NCOA1: variants seen among roughly 807,000 people sequenced by gnomAD.
NCOA1 encodes the protein nuclear receptor coactivator 1, also known as Hin-2 protein.
NCOA1 carries 35 observed loss-of-function variants against 150.9 expected under a neutral mutation model. The ratio of observed to expected loss-of-function variants is 0.23; its 90% CI spans 0.18 to 0.31. The LOEUF (loss-of-function observed/expected upper bound fraction) is 0.31. Among genes scored for constraint, NCOA1 ranks in the 10% least tolerant of loss-of-function variants. The probability of loss-of-function intolerance (pLI) is 1.00; values close to 1 mark genes in which losing one functional copy is unlikely to be tolerated. For synonymous variants in NCOA1, 590 were observed against 630.0 expected, an observed-to-expected ratio of 0.94 and a Z score of 0.95; for missense variants, 1,491 against 1,749.3, an observed-to-expected ratio of 0.85 and a Z score of 2.63.
At position 24,763,950 on chromosome 2, in the gene NCOA1, A is replaced by G. The variant is rs868867047; in HGVS notation, c.4155+1174A>G. On this transcript the variant is annotated intron_variant, in intron 22 of 22. Coordinates refer to ENST00000348332, the MANE Select transcript of NCOA1 (RefSeq NM_003743.5). ...CTTTAGTCTCTTAATGAACATTTTTAACCCAGGGATTATGCCACAGATGGC... is the reference window on the plus strand; with the variant it reads ...CTTTAGTCTCTTAATGAACATTTTTGACCCAGGGATTATGCCACAGATGGC... Among the ~76,000 whole-genome samples the G allele has an allele frequency of 2.0e-5, 3 of 152,192 alleles. No homozygotes were observed. The South Asian group carries it at 6.2e-4, about 32-fold the overall frequency.
intron 1 of NCOA1, among the ~76,000 whole-genome samples, chr2:24,560,799 A>C (rs763163258): frequency 2.6e-5 from 4 of 152,208 alleles, no homozygotes. Context: ...ATAGGATCAT[A>C]GAGTAAACTT....
chr2:24,637,163 T>C (rs1484751316), intron 3 of NCOA1, among the ~76,000 whole-genome samples: 1 of 150,962 alleles, frequency 6.6e-6, no homozygotes, highest in Non-Finnish European at 1.5e-5. Flanking sequence ...ACATGTGCCA[T>C]GCTGGTGTGC....
rs367700015 is a variant in NCOA1 at position 24,604,179 on chromosome 2, A to G, written c.-175+19619A>G. 6.6e-5 allele frequency among the ~76,000 whole-genome samples: 10 copies of G among 152,348 alleles called. 1 individual carries two copies. Among genetic ancestry groups the G allele is most frequent in the Admixed American group, 2.6e-4 (4 of 15,302 alleles). On this transcript the variant is annotated intron_variant, in intron 3 of 22. Transcript: ENST00000348332. Reference sequence around the variant, plus strand: ...ATATTCATTAAACTATGCTGTAAACAGATGTGCTGTCATCTAGGATTTGTT... The same window carrying G: ...ATATTCATTAAACTATGCTGTAAACGGATGTGCTGTCATCTAGGATTTGTT...
At chr2:24,569,547 T>TATTA (rs1666648587) in intron 2 of NCOA1, among the ~76,000 whole-genome samples, 1 of 138,218 alleles carries the variant, frequency 7.2e-6, no homozygotes, top group Admixed American at 8.7e-5. Context: ...TTGTTGGTTT[T>TATTA]ATTAATTTTT....
intron 3 of NCOA1, among the ~76,000 whole-genome samples, chr2:24,610,290 A>AT (rs1204948095): frequency 2.0e-5 from 3 of 151,338 alleles, no homozygotes; most frequent in South Asian, 2.1e-4. Flanking sequence ...CGCCCAGCTA[A>AT]TTTTTTGTAT....
intron 2 of NCOA1, among the ~76,000 whole-genome samples, chr2:24,580,452 C>T (rs1667151273): frequency 6.6e-6 from 1 of 152,108 alleles, no homozygotes; most frequent in Admixed American, 6.6e-5. Context: ...TATTTGTTTT[C>T]AGGCTATTTT....
chr2:24,506,405 T>C (rs2148091062), intron 1 of NCOA1, among the ~76,000 whole-genome samples: 1 of 152,316 alleles, frequency 6.6e-6, no homozygotes, highest in Non-Finnish European at 1.5e-5. Flanking sequence ...ATTTAATGGC[T>C]GAGCTGAATG....
At chr2:24,729,377 G>T (rs564421984) in intron 16 of NCOA1, 124 bp from the exon 17 acceptor site, 2 of 879,570 alleles carry the variant, frequency 2.3e-6, no homozygotes, top group South Asian at 1.8e-5. Flanking sequence ...ATTTCTTTAG[G>T]TAGTAAACTT....
In NCOA1 at chr2:24,762,550, CA is replaced by C. The variant is rs1330639883; in HGVS notation, c.4066-136del. ...GAATGACTATCCTGACTTGTAACAACACAGTTAATTGCTAAGCTTTTCATTT... is the reference window on the plus strand; with the variant it reads ...GAATGACTATCCTGACTTGTAACAACCAGTTAATTGCTAAGCTTTTCATTT... On this transcript the variant is annotated intron_variant, in intron 21 of 22. Coordinates refer to ENST00000348332, the MANE Select transcript of NCOA1 (RefSeq NM_003743.5). The C allele has an allele frequency of 1.9e-5, 14 of 734,912 alleles. No homozygotes were observed. The African/African-American group carries it at 2.5e-4, about 13-fold the overall frequency. 45.5% of individuals were successfully genotyped at this position (734,912 alleles called of 1,614,324 possible). A position where few individuals can be genotyped will look rare whatever the true frequency, so the allele number is the denominator to read the frequency against.
intron 1 of NCOA1, among the ~76,000 whole-genome samples, chr2:24,528,939 T>A (rs1382900882): frequency 6.6e-6 from 1 of 152,162 alleles, no homozygotes; most frequent in Non-Finnish European, 1.5e-5. Flanking sequence ...CAGGCTGGAG[T>A]GCAGTGGCGC....
intron 10 of NCOA1, among the ~76,000 whole-genome samples, chr2:24,695,010 T>A (rs1672834037): frequency 6.6e-6 from 1 of 151,814 alleles, no homozygotes; most frequent in African/African-American, 2.4e-5. Context: ...ACAGAAAAAA[T>A]GTCAGAGATG....
At chr2:24,664,711 A>G (rs562308313) in intron 5 of NCOA1, among the ~76,000 whole-genome samples, 3 of 150,226 alleles carry the variant, frequency 2.0e-5, no homozygotes, top group Admixed American at 6.6e-5. Context: ...CATCTCAAAA[A>G]AAAAAGAAAA....
At chr2:24,565,515 A>C (rs1014390443) in intron 2 of NCOA1, among the ~76,000 whole-genome samples, 1 of 152,260 alleles carries the variant, frequency 6.6e-6, no homozygotes, top group Non-Finnish European at 1.5e-5. Flanking sequence ...TATGTAAAGC[A>C]TAAATTCCAA....
In NCOA1 at chr2:24,706,843, G is replaced by C. The variant is rs1673469721; in HGVS notation, c.1373G>C (p.Gly458Ala). 1.9e-6 allele frequency: 3 copies of C among 1,614,138 alleles called. No homozygotes were observed. The highest frequency in any genetic ancestry group is 2.5e-6 in the Non-Finnish European group (3 of 1,180,030). Residue 458 changes from glycine (G) to alanine (A), a missense_variant, in exon 13 of 23, where the codon GGA (glycine) becomes GCA (alanine). This residue lies in a region of NCOA1 where 703 missense variants were observed against 717.7 expected (regional missense o/e 0.98). Transcript: ENST00000348332. The stretch of plus-strand genomic sequence containing the variant: ...GTAGCCAATGTTGCCTTAAACCAAG[G>C]ACAGGCCAGTTCACAGAGCAGTAAT... ...QIVANVALNQ[G>A]QASSQSSNPS...
chr2:24,565,121 A>G (rs1165980711), intron 2 of NCOA1, among the ~76,000 whole-genome samples: 1 of 152,240 alleles, frequency 6.6e-6, no homozygotes, highest in Non-Finnish European at 1.5e-5. Flanking sequence ...TAACTAAAGA[A>G]TCAGGTGACA....
intron 19 of NCOA1, among the ~76,000 whole-genome samples, chr2:24,749,026 A>AG (rs1363103578): frequency 1.3e-5 from 2 of 152,214 alleles, no homozygotes; most frequent in Non-Finnish European, 2.9e-5. Flanking sequence ...GTATTTTGTC[A>AG]GGAAAAAAAG....
chr2:24,495,101 TTG>T (rs199663967), intron 1 of NCOA1, among the ~76,000 whole-genome samples: 5,448 of 141,196 alleles, frequency 0.039, 156 homozygotes, highest in African/African-American at 0.058. Flanking sequence ...TGTTTTTTTT[TTG>T]TTTTTTTTTT....
Position 24,536,836 on chromosome 2 carries a change from T to C in NCOA1, c.-395-27459T>C, listed in dbSNP as rs140026218. Reference sequence around the variant, plus strand: ...GCAAATACTACTGCCTGATACTTGCTGGAGGCCATTTTCTGAGTGAAGTAA... The same window carrying C: ...GCAAATACTACTGCCTGATACTTGCCGGAGGCCATTTTCTGAGTGAAGTAA... On this transcript the variant is annotated intron_variant, in intron 1 of 22. Coordinates refer to ENST00000348332, the MANE Select transcript of NCOA1 (RefSeq NM_003743.5). Among the ~76,000 whole-genome samples the C allele has an allele frequency of 4.2e-3, 647 of 152,266 alleles. 3 individuals are homozygous for C. The highest frequency in any genetic ancestry group is 0.02 in the South Asian group (95 of 4,824).
intron 2 of NCOA1, among the ~76,000 whole-genome samples, chr2:24,570,786 A>G (rs1321353610): frequency 1.3e-5 from 2 of 152,254 alleles, no homozygotes; most frequent in Non-Finnish European, 1.5e-5. Context: ...AAGTGATACC[A>G]TGTGAATGCA....
Sources: gnomAD v4.1 joint callset for allele counts (sites outside exome capture counted in the v4.1 genomes callset) on GRCh38, gnomAD v4.1.1 for gene constraint, gnomAD v4.1.1 regional missense constraint, MANE v1.5 for transcripts, NCBI Gene and HGNC (gene_info 2026-07-23, HGNC 2026-07-21) for gene names.